Variants in RNF216 observed in about 807,000 individuals in gnomAD.
RNF216 encodes ring finger protein 216, also known as E3 ubiquitin-protein ligase RNF216.
Under a neutral mutation model 110.8 loss-of-function variants are expected in RNF216, and 72 were observed. The ratio of observed to expected loss-of-function variants is 0.65; its 90% CI spans 0.54 to 0.79. The LOEUF (loss-of-function observed/expected upper bound fraction) is 0.79. Ranked by LOEUF, RNF216 falls within the 30% of genes least tolerant of loss-of-function variation. The pLI is 0.00. For synonymous variants in RNF216, 495 were observed against 407.5 expected (o/e 1.21, Z -2.59); for missense variants, 1,342 against 1,141.2 (o/e 1.18, Z -2.54).
Position 5,711,090 on chromosome 7 carries a change from G to C in RNF216, c.2061+671C>G, listed in dbSNP as rs1279900571. On this transcript the variant is annotated intron_variant, in intron 13 of 16. Coordinates refer to ENST00000389902, the MANE Select transcript of RNF216 (RefSeq NM_207111.4). ...GTTCAACTCTAATCATGCAATTTTA[G>C]AAAAATGGCTTAGAGCGTATTTGTC... Among the ~76,000 whole-genome samples, 15 of 152,190 alleles carry C rather than the reference G, an allele frequency of 9.9e-5. No individual in the cohort carries two copies. The South Asian group carries it at 2.1e-3, about 21-fold the overall frequency.
At chr7:5,643,020 A>G (rs1787835741) in intron 14 of RNF216, among the ~76,000 whole-genome samples, 1 of 152,020 alleles carries the variant, frequency 6.6e-6, no homozygotes, top group Non-Finnish European at 1.5e-5. Context: ...AAGAGGGTCT[A>G]TTTGCTTGCT....
chr7:5,620,860 G>C lies in RNF216; in HGVS notation c.*2000C>G, dbSNP rs1786310039. 6.6e-6 allele frequency: 1 copy of C among 152,314 alleles called. No individual in the cohort carries two copies. Among genetic ancestry groups the C allele is most frequent in the Admixed American group, 6.5e-5 (1 of 15,290 alleles). 9.4% of individuals were successfully genotyped at this position (152,314 alleles called of 1,614,324 possible). Reference sequence around the variant, plus strand: ...GGGAGCTGAGGCTCCCAGGGCCTGAGGTCACCTCTTCAGCTGTGATGTCTA... The same window carrying C: ...GGGAGCTGAGGCTCCCAGGGCCTGACGTCACCTCTTCAGCTGTGATGTCTA... On this transcript the variant is annotated 3_prime_UTR_variant, in exon 17 of 17. Transcript: ENST00000389902.
chr7:5,697,322 TTC>T, intron 13 of RNF216, among the ~76,000 whole-genome samples: 1 of 152,362 alleles, frequency 6.6e-6, no homozygotes. Flanking sequence ...TGGTTGCCCT[TTC>T]TCTTTCTTAC....
In RNF216 at chr7:5,741,852, T is replaced by G. The variant is rs1281245270; in HGVS notation, c.202-37A>C. 5 of 1,557,364 alleles carry G rather than the reference T, an allele frequency of 3.2e-6. No individual in the cohort carries two copies. In the African/African-American group the frequency reaches 5.5e-5, roughly 17 times the overall value. On this transcript the variant is annotated intron_variant, in intron 3 of 16. Transcript: ENST00000389902. ...TGAAATTTTAATAATTCAATTTCTT[T>G]CCTATGCCTATCCCTCCTTATGTAC...
chr7:5,663,586 G>GAA (rs35905773), intron 13 of RNF216, among the ~76,000 whole-genome samples: 3,271 of 79,986 alleles, frequency 0.041, 83 homozygotes, highest in East Asian at 0.094. Context: ...TCCACCTCAG[G>GAA]AAAAAAAAAA....
chr7:5,682,245 C>CTA (rs1325587448), intron 13 of RNF216, among the ~76,000 whole-genome samples: 1 of 152,168 alleles, frequency 6.6e-6, no homozygotes, highest in Non-Finnish European at 1.5e-5. Context: ...CCAAAAATCC[C>CTA]TATCTTGTTC....
At chr7:5,688,111 T>C (rs1454780529) in intron 13 of RNF216, among the ~76,000 whole-genome samples, 5 of 152,244 alleles carry the variant, frequency 3.3e-5, no homozygotes, top group East Asian at 1.9e-4. Context: ...TCCTGCTCTA[T>C]GTCCTGGATT....
At chr7:5,638,955 A>G (rs1481935896) in intron 15 of RNF216, among the ~76,000 whole-genome samples, 1 of 151,952 alleles carries the variant, frequency 6.6e-6, no homozygotes, top group African/African-American at 2.4e-5. Context: ...CCTACTTATA[A>G]TTTTTTTAAA....
At chr7:5,659,921 ATTC>A (rs1030297350) in intron 13 of RNF216, among the ~76,000 whole-genome samples, 8 of 147,054 alleles carry the variant, frequency 5.4e-5, no homozygotes, top group Non-Finnish European at 9.1e-5. Flanking sequence ...CTTTATTACT[ATTC>A]TTCTTAATAT....
intron 2 of RNF216, among the ~76,000 whole-genome samples, chr7:5,754,292 A>G (rs1197280886): frequency 1.3e-5 from 2 of 151,936 alleles, no homozygotes; most frequent in African/African-American, 2.4e-5. Flanking sequence ...AGTAGCTAGG[A>G]CAACAGGTGC....
At chr7:5,648,296 G>A (rs115860394) in intron 14 of RNF216, among the ~76,000 whole-genome samples, 1,600 of 151,920 alleles carry the variant, frequency 0.011, 30 homozygotes, top group African/African-American at 0.036. Flanking sequence ...AGTAGAGACA[G>A]AGGTTTCTCC....
Position 5,652,414 on chromosome 7 carries a change from T to G in RNF216, c.2158A>C (p.Ile720Leu). The G allele has an allele frequency of 6.2e-7, 1 of 1,604,642 alleles. No individual in the cohort carries two copies. The highest frequency in any genetic ancestry group is 8.5e-7 in the Non-Finnish European group (1 of 1,171,506). Residue 720 changes from isoleucine (I) to leucine (L), a missense_variant and splice_region_variant, in exon 14 of 17, where the codon ATT becomes CTT. Physicochemically the swap from Ile to Leu is conservative, Grantham distance 5 (BLOSUM62 2). Transcript: ENST00000389902. ...GCCCCTCTGAATTCTGTTACTCACA[T>G]AGAGGTACGGTACTTGATGTCGTCT... The part of the protein sequence containing the change: ...EKDDIKYRTS[I>L]EEKMTAARIR...
At chr7:5,675,871 G>A (rs1286117661) in intron 13 of RNF216, among the ~76,000 whole-genome samples, 2 of 151,978 alleles carry the variant, frequency 1.3e-5, no homozygotes, top group East Asian at 3.9e-4. Context: ...CACCATGCCT[G>A]GCTAATTTTG....
intron 8 of RNF216, among the ~76,000 whole-genome samples, chr7:5,721,660 T>C (rs6966191): frequency 0.028 from 4,313 of 152,306 alleles, 186 homozygotes; most frequent in African/African-American, 0.098. Context: ...CCATCAGCAA[T>C]GCATGTGAGT....
At chr7:5,682,412 C>CTTTTT (rs775691792) in intron 13 of RNF216, among the ~76,000 whole-genome samples, 25 of 140,612 alleles carry the variant, frequency 1.8e-4, no homozygotes, top group African/African-American at 6.0e-4. Flanking sequence ...CATTTTTTTT[C>CTTTTT]TTTTTTTTTT....
intron 13 of RNF216, among the ~76,000 whole-genome samples, chr7:5,707,326 T>A (rs1385769194): frequency 6.6e-6 from 1 of 152,226 alleles, no homozygotes; most frequent in East Asian, 1.9e-4. Context: ...TTTTTATAGT[T>A]TTCAGTGTAT....
chr7:5,655,909 T>C (rs1412236925), intron 13 of RNF216, among the ~76,000 whole-genome samples: 1 of 151,884 alleles, frequency 6.6e-6, no homozygotes, highest in African/African-American at 2.4e-5. Flanking sequence ...CTGGCTGGAG[T>C]GCTGTAGTGT....
intron 13 of RNF216, among the ~76,000 whole-genome samples, chr7:5,657,707 T>C (rs929071015): frequency 6.6e-6 from 1 of 152,204 alleles, no homozygotes; most frequent in Non-Finnish European, 1.5e-5. Context: ...CTGTGTCTTC[T>C]AGTTGTCAAA....
At chr7:5,712,470 C>T (rs1455100994) in intron 12 of RNF216, among the ~76,000 whole-genome samples, 2 of 146,406 alleles carry the variant, frequency 1.4e-5, no homozygotes, top group African/African-American at 5.1e-5. Context: ...GAGAATCCAC[C>T]TCAAAAAAAA....
Sources: allele counts gnomAD v4.1 joint callset (sites outside exome capture counted in the v4.1 genomes callset), GRCh38; gene constraint gnomAD v4.1.1; transcripts MANE v1.5; gene names NCBI Gene and HGNC (gene_info 2026-07-23, HGNC 2026-07-21).